Variants in CPNE1 observed in about 807,000 individuals in gnomAD.
The protein encoded by CPNE1 is copine-1.
CPNE1 carries 58 observed loss-of-function variants against 63.2 expected under a neutral mutation model. The ratio of observed to expected loss-of-function variants is 0.92; its 90% confidence interval spans 0.74 to 1.14. CPNE1 has a LOEUF of 1.14. Among genes scored for constraint, CPNE1 ranks in the 50% most tolerant of loss-of-function variants. The probability of loss-of-function intolerance (pLI) is 0.00; values close to 1 mark genes in which losing one functional copy is unlikely to be tolerated. For synonymous variants in CPNE1, 237 were observed against 249.0 expected (o/e 0.95, Z 0.45); for missense variants, 672 against 661.7 (o/e 1.02, Z -0.17).
At chr20:35,654,098 G>A (rs747373238) in intron 1 of CPNE1, 1 of 1,614,088 alleles carries the variant, frequency 6.2e-7, no homozygotes, top group Non-Finnish European at 8.5e-7. Context: ...TTTGACCTGG[G>A]AAGTGTCTGA....
At chr20:35,636,000 CTG>C (rs1396810462) in intron 1 of CPNE1, among the ~76,000 whole-genome samples, 1 of 152,226 alleles carries the variant, frequency 6.6e-6, no homozygotes, top group Non-Finnish European at 1.5e-5. Flanking sequence ...TGACCTAACT[CTG>C]TGGAATTCTT....
rs2031761340 is a variant in CPNE1 at position 35,626,613 on chromosome 20, G to A, written c.1427C>T (p.Ala476Val). The A allele has an allele frequency of 6.2e-7, 1 of 1,614,086 alleles. No individual in the cohort carries two copies. Among genetic ancestry groups the A allele is most frequent in the Non-Finnish European group, 8.5e-7 (1 of 1,180,046 alleles). The change falls in exon 15 of 16, where the codon GCT (alanine) becomes GTT (valine). Residue 476 changes from alanine (A) to valine (V), a missense_variant. Ala to Val is a moderately conservative substitution (Grantham distance 64). Coordinates refer to ENST00000397443, the MANE Select transcript of CPNE1 (RefSeq NM_152925.3). ...GPLHTRSGQA[A>V]ARDIVQFVPY... ...TACAAACTGCACAATGTCGCGGGCA[G>A]CAGCCTGCCCAGAACGTGTATGCAG...
intron 1 of CPNE1, among the ~76,000 whole-genome samples, chr20:35,637,393 A>C (rs2032546872): frequency 6.6e-6 from 1 of 152,134 alleles, no homozygotes; most frequent in Non-Finnish European, 1.5e-5. Flanking sequence ...GTAACCCTGC[A>C]TCCCTAGATC....
intron 14 of CPNE1, 28 bp downstream of exon 14, chr20:35,627,252 C>G: frequency 6.3e-7 from 1 of 1,592,240 alleles, no homozygotes; most frequent in Non-Finnish European, 8.6e-7. Flanking sequence ...TGATTGCCAC[C>G]ACTGCCACTG....
At chr20:35,641,212 C>G (rs1038187265) in intron 1 of CPNE1, among the ~76,000 whole-genome samples, 1 of 152,188 alleles carries the variant, frequency 6.6e-6, no homozygotes, top group African/African-American at 2.4e-5. Flanking sequence ...CAATCCAAGG[C>G]ATAGAGGGAA....
At chr20:35,629,379 T>G (rs1252703396) in intron 13 of CPNE1, among the ~76,000 whole-genome samples, 1 of 152,182 alleles carries the variant, frequency 6.6e-6, no homozygotes, top group African/African-American at 2.4e-5. Context: ...GTCAAAAGGT[T>G]TGGCCCTAAA....
At chr20:35,641,674 C>A (rs2032820276) in intron 1 of CPNE1, among the ~76,000 whole-genome samples, 1 of 152,166 alleles carries the variant, frequency 6.6e-6, no homozygotes, top group Admixed American at 6.5e-5. Context: ...TATATATGCT[C>A]CCCTTTTCAT....
At chr20:35,661,119 C>T (rs1451641715) in intron 1 of CPNE1, among the ~76,000 whole-genome samples, 1 of 152,184 alleles carries the variant, frequency 6.6e-6, no homozygotes, top group Non-Finnish European at 1.5e-5. Flanking sequence ...ATACCCACCC[C>T]ACCCCATACC....
At chr20:35,629,390 CA>C (rs2031973446) in intron 13 of CPNE1, among the ~76,000 whole-genome samples, 1 of 152,186 alleles carries the variant, frequency 6.6e-6, no homozygotes, top group African/African-American at 2.4e-5. Context: ...TGGCCCTAAA[CA>C]AAAGGGCTTG....
Position 35,632,609 on chromosome 20 carries a change from T to C in CPNE1, c.217A>G (p.Lys73Glu), listed in dbSNP as rs772964150. 3.8e-6 allele frequency: 6 copies of C among 1,596,652 alleles called. No homozygotes were observed. Among genetic ancestry groups the C allele is most frequent in the Non-Finnish European group, 4.3e-6 (5 of 1,164,260 alleles). Residue 73 changes from lysine to glutamate, a missense_variant, in exon 3 of 16, where the codon AAG becomes GAG. Transcript: ENST00000397443. ...QLEYRFETVQ[K>E]LRFGIYDIDN... is the part of the protein sequence containing the mutation. ...ATGTCATAGATTCCAAAGCGTAGCT[T>C]CTGGACTGTCTCAAAGCGGTACTCA...
intron 13 of CPNE1, among the ~76,000 whole-genome samples, chr20:35,629,849 G>C (rs1235211693): frequency 6.6e-6 from 1 of 151,912 alleles, no homozygotes; most frequent in Non-Finnish European, 1.5e-5. Context: ...AGTAGAGATG[G>C]GGTTTTGCCA....
Position 35,626,619 on chromosome 20 carries a change from T to C in CPNE1, c.1421A>G (p.Gln474Arg). Residue 474 changes from glutamine (Q) to arginine (R), a missense_variant, in exon 15 of 16, where the codon CAG becomes CGG. Gln to Arg is a conservative substitution (Grantham distance 43, BLOSUM62 1). Coordinates refer to ENST00000397443, the MANE Select transcript of CPNE1 (RefSeq NM_152925.3). Reference sequence around the variant, plus strand: ...CTGCACAATGTCGCGGGCAGCAGCCTGCCCAGAACGTGTATGCAGGGGTCC... The same window carrying C: ...CTGCACAATGTCGCGGGCAGCAGCCCGCCCAGAACGTGTATGCAGGGGTCC... ...DGGPLHTRSGQAAARDIVQFV... is the reference protein window; with the variant it reads ...DGGPLHTRSGRAAARDIVQFV... 6.8e-6 allele frequency: 11 copies of C among 1,614,196 alleles called. No homozygotes were observed. The highest frequency in any genetic ancestry group is 9.3e-6 in the Non-Finnish European group (11 of 1,180,036).
Position 35,631,190 on chromosome 20 carries a change from G to A in CPNE1, c.802-17C>T, listed in dbSNP as rs2032109433. The A allele has an allele frequency of 3.1e-6, 5 of 1,613,936 alleles. No homozygotes were observed. The highest frequency in any genetic ancestry group is 4.2e-6 in the Non-Finnish European group (5 of 1,179,860). ...TGTTTCTACCTGCAAATGAAACCAGGGTCATGCCTGGGGTGATAGCAGTTG... is the reference window on the plus strand; with the variant it reads ...TGTTTCTACCTGCAAATGAAACCAGAGTCATGCCTGGGGTGATAGCAGTTG... On this transcript the variant is annotated splice_polypyrimidine_tract_variant and intron_variant, in intron 9 of 15. Transcript: ENST00000397443.
chr20:35,633,966 A>G (rs1386872267), intron 1 of CPNE1, among the ~76,000 whole-genome samples: 27 of 146,820 alleles, frequency 1.8e-4, no homozygotes, highest in African/African-American at 6.4e-4. Context: ...TCTCAAAAAA[A>G]AAAAAAAAAA....
At chr20:35,653,695 T>G (rs147392036) in intron 1 of CPNE1, 4 of 1,614,092 alleles carry the variant, frequency 2.5e-6, no homozygotes, top group Non-Finnish European at 2.5e-6. Flanking sequence ...GGCACAGACT[T>G]TGGCAGAGTT....
At chr20:35,637,856 C>A (rs904726543) in intron 1 of CPNE1, among the ~76,000 whole-genome samples, 2 of 152,186 alleles carry the variant, frequency 1.3e-5, no homozygotes, top group African/African-American at 4.8e-5. Flanking sequence ...CCAGGTTGGC[C>A]TTTCTGATCC....
intron 1 of CPNE1, among the ~76,000 whole-genome samples, chr20:35,646,126 AT>A (rs1175993984): frequency 4.2e-5 from 6 of 141,728 alleles, no homozygotes; most frequent in East Asian, 2.0e-4. Flanking sequence ...CTACAAAAAA[AT>A]TAAAAAAAAA....
chr20:35,629,897 G>C (rs772073600), intron 13 of CPNE1, among the ~76,000 whole-genome samples: 1 of 152,174 alleles, frequency 6.6e-6, no homozygotes, highest in Non-Finnish European at 1.5e-5. Flanking sequence ...GGGCTCAAGC[G>C]ATCCACCCAC....
intron 1 of CPNE1, chr20:35,654,986 T>A (rs748212248): frequency 1.2e-6 from 2 of 1,614,076 alleles, no homozygotes; most frequent in South Asian, 2.2e-5. Context: ...CTGCTACTCA[T>A]TCCTGAGCTA....
Sources: allele counts gnomAD v4.1 joint callset (sites outside exome capture counted in the v4.1 genomes callset), GRCh38; gene constraint gnomAD v4.1.1; transcripts MANE v1.5; gene names NCBI Gene and HGNC (gene_info 2026-07-23, HGNC 2026-07-21).